ARHGAP39: variants seen among roughly 807,000 people sequenced by gnomAD.
ARHGAP39 encodes the protein rho GTPase-activating protein 39.
In ARHGAP39, 44 loss-of-function variants were observed where a neutral mutation model predicts 106.9. The observed-to-expected ratio is 0.41, with a 90% CI of 0.32 to 0.53. The LOEUF is 0.53. ARHGAP39 is among the 20% of genes least tolerant of loss of function. The pLI, the probability that ARHGAP39 is intolerant of heterozygous loss-of-function variation, is 0.21. For missense variants in ARHGAP39, 1,496 were observed against 1,577.3 expected, an observed-to-expected ratio of 0.95 and a Z score of 0.87; for synonymous variants, 768 against 693.2, an observed-to-expected ratio of 1.11 and a Z score of -1.69.
At chr8:144,569,516 G>C (rs1343954209) in intron 3 of ARHGAP39, among the ~76,000 whole-genome samples, 1 of 152,134 alleles carries the variant, frequency 6.6e-6, no homozygotes, top group African/African-American at 2.4e-5. Context: ...AGTGAAAGAT[G>C]ACAGACAAAA....
chr8:144,629,631 C>A (rs1173096578), intron 1 of ARHGAP39, among the ~76,000 whole-genome samples: 4 of 152,216 alleles, frequency 2.6e-5, no homozygotes, highest in Non-Finnish European at 5.9e-5. Flanking sequence ...TTTTCTTGAT[C>A]AACAAAAGTA....
At chr8:144,675,043 G>A (rs1425486570) in intron 1 of ARHGAP39, among the ~76,000 whole-genome samples, 2 of 152,036 alleles carry the variant, frequency 1.3e-5, no homozygotes, top group Non-Finnish European at 2.9e-5. Context: ...CTGCAGCTGT[G>A]CCCAGGAGGG....
chr8:144,575,816 G>C (rs1818751261), intron 3 of ARHGAP39, among the ~76,000 whole-genome samples: 1 of 152,310 alleles, frequency 6.6e-6, no homozygotes, highest in East Asian at 1.9e-4. Context: ...TAGGACCGCA[G>C]TGCAGCAGGT....
At chr8:144,598,393 C>A (rs1020221067) in intron 2 of ARHGAP39, among the ~76,000 whole-genome samples, 1 of 152,114 alleles carries the variant, frequency 6.6e-6, no homozygotes, top group Non-Finnish European at 1.5e-5. Flanking sequence ...GACACATGAG[C>A]CCCAGGGAGG....
chr8:144,597,999 A>T (rs1413688279), intron 2 of ARHGAP39, among the ~76,000 whole-genome samples: 4 of 152,200 alleles, frequency 2.6e-5, no homozygotes, highest in Admixed American at 2.6e-4. Context: ...GGCTAAGAAC[A>T]CACGGAGATG....
rs76327272 is a variant in ARHGAP39 at position 144,600,730 on chromosome 8, G to A, written c.80+4805C>T. Among the ~76,000 whole-genome samples the A allele has an allele frequency of 5.8e-4, 84 of 144,614 alleles. No homozygotes were observed. The East Asian group carries it at 0.014, about 25-fold the overall frequency. The allele number at this position is 144,614 out of a possible 152,430, so 94.9% of individuals were successfully genotyped here. ...TGTGCACTTGTGTACCTGAGTGTGCGTGTTCAAGGCGTGCGTGCGCACTTG... is the reference window on the plus strand; with the variant it reads ...TGTGCACTTGTGTACCTGAGTGTGCATGTTCAAGGCGTGCGTGCGCACTTG... On this transcript the variant is annotated intron_variant, in intron 2 of 11. Coordinates refer to ENST00000377307, the MANE Select transcript of ARHGAP39 (RefSeq NM_025251.3).
intron 1 of ARHGAP39, among the ~76,000 whole-genome samples, chr8:144,651,688 T>C (rs575403807): frequency 5.9e-5 from 9 of 151,874 alleles, no homozygotes; most frequent in South Asian, 4.2e-4. Context: ...GCCTGGATGA[T>C]AGAGAGACTC....
At chr8:144,676,860 A>G (rs1372901182) in intron 1 of ARHGAP39, among the ~76,000 whole-genome samples, 2 of 152,364 alleles carry the variant, frequency 1.3e-5, no homozygotes, top group Middle Eastern at 3.4e-3. Context: ...GCGTGGCCAG[A>G]GCGGACGCCG....
intron 1 of ARHGAP39, among the ~76,000 whole-genome samples, chr8:144,659,376 T>C (rs1386575740): frequency 1.3e-5 from 2 of 152,200 alleles, no homozygotes; most frequent in Non-Finnish European, 2.9e-5. Context: ...CACAATTAGA[T>C]ATGATCAAAC....
chr8:144,609,321 T>C (rs1820402161), intron 1 of ARHGAP39, among the ~76,000 whole-genome samples: 1 of 151,864 alleles, frequency 6.6e-6, no homozygotes. Context: ...ATAGCTGGAT[T>C]CCATCAATTA....
chr8:144,555,933 T>C (rs993087763), intron 3 of ARHGAP39, among the ~76,000 whole-genome samples: 3 of 152,184 alleles, frequency 2.0e-5, no homozygotes, highest in Non-Finnish European at 4.4e-5. Flanking sequence ...ATGGGGTTAC[T>C]GAGAATCACA....
chr8:144,552,351 C>CT (rs1371852473), intron 4 of ARHGAP39, among the ~76,000 whole-genome samples: 1 of 152,280 alleles, frequency 6.6e-6, no homozygotes, highest in Non-Finnish European at 1.5e-5. Context: ...GCTGCTGTCC[C>CT]TGCAGAGCCT....
At chr8:144,685,196 A>G (rs1434402180) in intron 1 of ARHGAP39, among the ~76,000 whole-genome samples, 1 of 140,608 alleles carries the variant, frequency 7.1e-6, no homozygotes, top group Admixed American at 6.9e-5. Context: ...CTGGGGCCGG[A>G]CACACCCACA....
rs1279649984 is a variant in ARHGAP39, at chr8:144,586,798, G to A, written c.81-5521C>T. ...GCACTGGCTGGCCTGGGCTGCTGTC[G>A]GTCTGCTCTGCAGGACAGCAGCCAT... On this transcript the variant is annotated intron_variant, in intron 2 of 11. Transcript: ENST00000377307. The surrounding 1 kb of genome is among the most constrained non-coding windows in gnomAD (Gnocchi z 4.2). Among the ~76,000 whole-genome samples, 4 of 152,148 alleles carry A rather than the reference G, an allele frequency of 2.6e-5. No individual in the cohort carries two copies. The highest frequency in any genetic ancestry group is 4.4e-5 in the Non-Finnish European group (3 of 68,016).
chr8:144,672,070 G>A (rs28713556), intron 1 of ARHGAP39, among the ~76,000 whole-genome samples: 3,507 of 152,286 alleles, frequency 0.023, 55 homozygotes, highest in Middle Eastern at 0.041. Flanking sequence ...TCTCAGGGAC[G>A]TCACAGCACT....
chr8:144,553,291 C>G (rs926760514), intron 4 of ARHGAP39, among the ~76,000 whole-genome samples: 2 of 152,184 alleles, frequency 1.3e-5, no homozygotes, highest in Non-Finnish European at 2.9e-5. Flanking sequence ...GGTAAGTTCC[C>G]GCTTTCCAGA....
intron 3 of ARHGAP39, among the ~76,000 whole-genome samples, chr8:144,574,150 A>G (rs997636245): frequency 1.5e-4 from 4 of 26,724 alleles, no homozygotes; most frequent in African/African-American, 3.6e-4. Flanking sequence ...TGGGTGACAG[A>G]AAAAAAAAAA....
upstream of ARHGAP39, among the ~76,000 whole-genome samples, chr8:144,689,416 T>A (rs1489136266): frequency 6.9e-6 from 1 of 144,752 alleles, no homozygotes; most frequent in Admixed American, 6.9e-5. Context: ...AAATTTACCA[T>A]CTTAACCATC....
At chr8:144,605,878 G>A in intron 1 of ARHGAP39, 183 bp from the exon 2 acceptor site, 1 of 515,154 alleles carries the variant, frequency 1.9e-6, no homozygotes, top group South Asian at 2.2e-5. Context: ...CTGCGTTGCA[G>A]CGAAGCCTGG....
Sources: gnomAD v4.1 joint callset for allele counts (sites outside exome capture counted in the v4.1 genomes callset) on GRCh38, gnomAD v4.1.1 for gene constraint, Gnocchi (gnomAD v3.1) non-coding constraint, MANE v1.5 for transcripts, NCBI Gene and HGNC (gene_info 2026-07-23, HGNC 2026-07-21) for gene names.